KCNAB1: variants seen among roughly 807,000 people sequenced by gnomAD.
The protein encoded by KCNAB1 is voltage-gated potassium channel subunit beta-1.
KCNAB1 carries 35 observed loss-of-function variants against 64.6 expected under a neutral mutation model. That is an observed-to-expected ratio of 0.54 (90% confidence interval 0.41 to 0.72). The LOEUF (loss-of-function observed/expected upper bound fraction) is 0.72, where lower values mean the gene tolerates loss of function less well. Ranked by LOEUF, KCNAB1 falls within the 30% of genes least tolerant of loss-of-function variation. The pLI is 0.00. For synonymous variants in KCNAB1, 177 were observed against 183.8 expected (o/e 0.96, Z 0.30); for missense variants, 401 against 512.9 (o/e 0.78, Z 2.11).
chr3:156,431,487 A>G (rs1050448513), intron 2 of KCNAB1, among the ~76,000 whole-genome samples: 1 of 152,200 alleles, frequency 6.6e-6, no homozygotes, highest in African/African-American at 2.4e-5. Flanking sequence ...AGGAGAGCAC[A>G]GGGCTGCAGG....
At chr3:156,196,169 A>T (rs775053899) in intron 1 of KCNAB1, among the ~76,000 whole-genome samples, 54 of 152,000 alleles carry the variant, frequency 3.6e-4, no homozygotes, top group Non-Finnish European at 6.6e-4. Context: ...TACCATTACC[A>T]TGCTGTTTTG....
intron 1 of KCNAB1, among the ~76,000 whole-genome samples, chr3:156,296,594 C>T (rs7616667): frequency 0.14 from 21,624 of 151,398 alleles, 4,146 homozygotes; most frequent in African/African-American, 0.44. Flanking sequence ...CTGCCTCAGC[C>T]TCCCGAGTAG....
chr3:156,369,381 T>C (rs950580133), intron 1 of KCNAB1, among the ~76,000 whole-genome samples: 1 of 152,252 alleles, frequency 6.6e-6, no homozygotes, highest in Non-Finnish European at 1.5e-5. Flanking sequence ...GGGGTTATTA[T>C]AAATAAAGCC....
At chr3:156,231,498 CCCT>C (rs1716525079) in intron 1 of KCNAB1, among the ~76,000 whole-genome samples, 2 of 123,372 alleles carry the variant, frequency 1.6e-5, no homozygotes, top group Non-Finnish European at 3.3e-5. Flanking sequence ...CCCCTCCCCT[CCCT>C]CCCTCCCTCC....
At chr3:156,263,640 C>T (rs183090571) in intron 1 of KCNAB1, among the ~76,000 whole-genome samples, 2 of 152,148 alleles carry the variant, frequency 1.3e-5, no homozygotes, top group African/African-American at 4.8e-5. Flanking sequence ...CTTCAGAATC[C>T]ACCAGGGATT....
chr3:156,376,969 G>A (rs906309790), intron 1 of KCNAB1, among the ~76,000 whole-genome samples: 9 of 152,008 alleles, frequency 5.9e-5, no homozygotes, highest in African/African-American at 2.2e-4. Context: ...CTTATTTTGT[G>A]TCAAACAGCA....
intron 8 of KCNAB1, among the ~76,000 whole-genome samples, chr3:156,498,946 C>G (rs965411457): frequency 1.3e-5 from 2 of 152,146 alleles, no homozygotes; most frequent in African/African-American, 4.8e-5. Context: ...CAATGGCTAC[C>G]AAGAGATGCA....
At chr3:156,451,258 C>T (rs752654073) in intron 2 of KCNAB1, among the ~76,000 whole-genome samples, 1 of 152,236 alleles carries the variant, frequency 6.6e-6, no homozygotes, top group Non-Finnish European at 1.5e-5. Context: ...GTGGGCTGCC[C>T]ATCTGCAACC....
chr3:156,328,570 C>T (rs540321343), intron 1 of KCNAB1, among the ~76,000 whole-genome samples: 2 of 152,260 alleles, frequency 1.3e-5, no homozygotes, highest in African/African-American at 4.8e-5. Flanking sequence ...GTATTAAATA[C>T]TACTAATTAT....
chr3:156,363,477 A>G lies in KCNAB1; in HGVS notation c.276-58139A>G, dbSNP rs1725741090. The stretch of plus-strand genomic sequence containing the variant: ...CATCTGCAAATTCTGCACTTTGGCA[A>G]TCTTTTTTTTTTTTTTGAGACAGCG... On this transcript the variant is annotated intron_variant, in intron 1 of 13. Transcript: ENST00000490337. 2.2e-5 allele frequency among the ~76,000 whole-genome samples: 3 copies of G among 136,866 alleles called. No homozygotes were observed. The South Asian group carries it at 7.4e-4, about 34-fold the overall frequency. 89.8% of individuals were successfully genotyped at this position (136,866 alleles called of 152,430 possible).
At chr3:156,404,290 GT>G (rs3836230) in intron 1 of KCNAB1, among the ~76,000 whole-genome samples, 14 of 150,706 alleles carry the variant, frequency 9.3e-5, no homozygotes, top group Middle Eastern at 3.4e-3. Context: ...TTCTTAGTCT[GT>G]TTTTTTTTCT....
At chr3:156,118,932 C>T (rs544235337), upstream of KCNAB1, among the ~76,000 whole-genome samples, 13 of 152,320 alleles carry the variant, frequency 8.5e-5, no homozygotes, top group Admixed American at 2.0e-4. Flanking sequence ...AAGAGGCTGT[C>T]GCCTGCTGGT....
chr3:156,407,724 C>G (rs559555670), intron 1 of KCNAB1, among the ~76,000 whole-genome samples: 1 of 152,198 alleles, frequency 6.6e-6, no homozygotes, highest in Non-Finnish European at 1.5e-5. Flanking sequence ...TTTCCATTCC[C>G]CTTCTCAAAC....
At chr3:156,334,435 C>T (rs1723547894) in intron 1 of KCNAB1, among the ~76,000 whole-genome samples, 1 of 150,714 alleles carries the variant, frequency 6.6e-6, no homozygotes, top group Middle Eastern at 3.4e-3. Context: ...TCGGATCTTA[C>T]TTGCAGAATG....
intron 8 of KCNAB1, among the ~76,000 whole-genome samples, chr3:156,507,515 T>C (rs569221956): frequency 2.0e-5 from 3 of 152,358 alleles, no homozygotes; most frequent in Non-Finnish European, 4.4e-5. Flanking sequence ...CTCTGAAGAA[T>C]GATAGTCCTC....
At chr3:156,198,998 T>C (rs915260226) in intron 1 of KCNAB1, among the ~76,000 whole-genome samples, 2 of 149,614 alleles carry the variant, frequency 1.3e-5, no homozygotes, top group Non-Finnish European at 3.0e-5. Flanking sequence ...CAGGAGCTCT[T>C]GTAAGGCAGG....
chr3:156,149,843 C>A (rs959761862), intron 1 of KCNAB1, among the ~76,000 whole-genome samples: 1 of 152,192 alleles, frequency 6.6e-6, no homozygotes, highest in African/African-American at 2.4e-5. Flanking sequence ...ACCCTCCAAA[C>A]CCCACCAAAA....
At chr3:156,216,099 C>T (rs1715300701) in intron 1 of KCNAB1, among the ~76,000 whole-genome samples, 1 of 152,226 alleles carries the variant, frequency 6.6e-6, no homozygotes, top group Non-Finnish European at 1.5e-5. Flanking sequence ...CGCAGATCCT[C>T]AGAAGCACTG....
At chr3:156,165,475 A>G (rs563136107) in intron 1 of KCNAB1, among the ~76,000 whole-genome samples, 35 of 152,216 alleles carry the variant, frequency 2.3e-4, no homozygotes, top group African/African-American at 7.7e-4. Context: ...TCAGTCTGGC[A>G]GTTTGAGAGA....
Sources: allele counts gnomAD v4.1 joint callset (sites outside exome capture counted in the v4.1 genomes callset), GRCh38; gene constraint gnomAD v4.1.1; transcripts MANE v1.5; gene names NCBI Gene and HGNC (gene_info 2026-07-23, HGNC 2026-07-21).